The following CYLD variants were observed in gnomAD, a reference collection of about 807,000 sequenced individuals.
CYLD encodes the protein ubiquitin carboxyl-terminal hydrolase CYLD.
CYLD carries 26 observed loss-of-function variants against 104.5 expected under a neutral mutation model. The ratio of observed to expected loss-of-function variants is 0.25; its 90% CI spans 0.18 to 0.35. The LOEUF (loss-of-function observed/expected upper bound fraction) is 0.35. CYLD is among the 10% of genes least tolerant of loss of function. The pLI, the probability that CYLD is intolerant of heterozygous loss-of-function variation, is 1.00. For synonymous variants in CYLD, 385 were observed against 399.9 expected, an observed-to-expected ratio of 0.96 and a Z score of 0.45; for missense variants, 703 against 1,136.1, an observed-to-expected ratio of 0.62 and a Z score of 5.48.
intron 3 of CYLD, among the ~76,000 whole-genome samples, chr16:50,750,413 T>A (rs191791243): frequency 6.6e-6 from 1 of 152,218 alleles, no homozygotes; most frequent in East Asian, 1.9e-4. Flanking sequence ...ACTGATAATA[T>A]GTGTGAAAAT....
rs3064638 is a variant in CYLD, at chr16:50,793,115, T to TACAC, written c.2351-401_2351-398dup. Among the ~76,000 whole-genome samples the TACAC allele has an allele frequency of 5.3e-3, 762 of 145,142 alleles. 2 individuals are homozygous for TACAC. The highest frequency in any genetic ancestry group is 7.5e-3 in the Admixed American group (109 of 14,490). On this transcript the variant is annotated intron_variant, in intron 16 of 18. Coordinates refer to ENST00000427738, the MANE Select transcript of CYLD (RefSeq NM_001378743.1). ...GATATATTCTACAAAAGGAGCCATA[T>TACAC]ACACACACACACACACACACACACA...
At chr16:50,765,566 C>T (rs1236910085) in intron 5 of CYLD, among the ~76,000 whole-genome samples, 1 of 152,128 alleles carries the variant, frequency 6.6e-6, no homozygotes, top group Non-Finnish European at 1.5e-5. Flanking sequence ...CACTTTAAAT[C>T]AAAAGCTAGA....
intron 5 of CYLD, among the ~76,000 whole-genome samples, chr16:50,766,006 A>T (rs752014720): frequency 6.6e-6 from 1 of 152,246 alleles, no homozygotes; most frequent in African/African-American, 2.4e-5. Flanking sequence ...TTATCAGAAG[A>T]TCTAGCTAAG....
Position 50,771,220 on chromosome 16 carries a change from A to G in CYLD, c.914-3946A>G, listed in dbSNP as rs547602547. ...CCACTGATCTGCTTTCTATCTCTAC[A>G]GATTTGCCTATTCTGGACATTTCAC... is the stretch of plus-strand genomic sequence containing the variant. On this transcript the variant is annotated intron_variant, in intron 5 of 18. Coordinates refer to ENST00000427738, the MANE Select transcript of CYLD (RefSeq NM_001378743.1). Among the ~76,000 whole-genome samples the G allele has an allele frequency of 4.1e-5, 6 of 147,838 alleles. No individual in the cohort carries two copies. The East Asian group carries it at 9.6e-4, about 24-fold the overall frequency.
intron 5 of CYLD, among the ~76,000 whole-genome samples, chr16:50,766,710 C>T (rs772045851): frequency 6.6e-5 from 10 of 152,136 alleles, no homozygotes; most frequent in Non-Finnish European, 1.0e-4. Context: ...TTCCAACCCT[C>T]ATGGATGACT....
chr16:50,786,612 T>C (rs1294023569), intron 12 of CYLD: 3 of 405,104 alleles, frequency 7.4e-6, no homozygotes, highest in African/African-American at 6.2e-5. Flanking sequence ...ATACAAAAAT[T>C]AGCTGGATGT....
At chr16:50,791,733 G>A (rs761261577) in intron 15 of CYLD, 43 bp downstream of exon 15, 4 of 1,603,930 alleles carry the variant, frequency 2.5e-6, no homozygotes, top group Middle Eastern at 3.3e-4. Context: ...AAAGTCTGTG[G>A]GAGTCTTAAG....
rs778732746 is a variant in CYLD at position 50,798,407 on chromosome 16, A to G, written c.*1899A>G. On this transcript the variant is annotated 3_prime_UTR_variant, in exon 19 of 19. Coordinates refer to ENST00000427738, the MANE Select transcript of CYLD (RefSeq NM_001378743.1). ...ACAATACAAGAACTCTTTATGTAGC[A>G]TTTACATTTATTAGGTATTATAAGT... The G allele has an allele frequency of 4.3e-6, 1 of 232,008 alleles. No individual in the cohort carries two copies. 14.4% of individuals were successfully genotyped at this position (232,008 alleles called of 1,614,324 possible). A position where few individuals can be genotyped will look rare whatever the true frequency, so the allele number is the denominator to read the frequency against.
chr16:50,763,794 G>A (rs1478817560), intron 5 of CYLD, among the ~76,000 whole-genome samples: 2 of 152,064 alleles, frequency 1.3e-5, no homozygotes, highest in African/African-American at 2.4e-5. Flanking sequence ...AGTAGTGATG[G>A]AAGGCATCTT....
chr16:50,794,269 G>C lies in CYLD; in HGVS notation c.2527G>C (p.Asp843His). Reference protein sequence around the residue: ...HKYNPVSLPKDLPDWDWRHGC... With the variant: ...HKYNPVSLPKHLPDWDWRHGC... ...ATATAACCCAGTGTCACTTCCCAAA[G>C]ACTTACCCGACTGGGACTGGAGACA... is the stretch of plus-strand genomic sequence containing the variant. The change falls in exon 18 of 19, where the codon GAC becomes CAC. Residue 843 changes from aspartate to histidine, a missense_variant. Physicochemically the swap from Asp to His is moderately conservative, Grantham distance 81. This residue lies in a region of CYLD where 130 missense variants were observed against 220.2 expected (regional missense o/e 0.59). Coordinates refer to ENST00000427738, the MANE Select transcript of CYLD (RefSeq NM_001378743.1). The surrounding 1 kb of genome is among the most constrained non-coding windows in gnomAD (Gnocchi z 4.1). 6.2e-7 allele frequency: 1 copy of C among 1,614,158 alleles called. No homozygotes were observed. Among genetic ancestry groups the C allele is most frequent in the Non-Finnish European group, 8.5e-7 (1 of 1,180,022 alleles).
intron 4 of CYLD, among the ~76,000 whole-genome samples, chr16:50,752,213 G>C (rs1966689782): frequency 6.6e-6 from 1 of 151,532 alleles, no homozygotes; most frequent in South Asian, 2.1e-4. Context: ...GAATAAACTA[G>C]AATAATGTTC....
At chr16:50,783,665 A>G (rs944755576) in intron 11 of CYLD, among the ~76,000 whole-genome samples, 12 of 151,926 alleles carry the variant, frequency 7.9e-5, no homozygotes, top group African/African-American at 2.9e-4. Flanking sequence ...CAGCCTCCCA[A>G]GTAGCTGGGA....
Position 50,794,629 on chromosome 16 carries a change from T to TC in CYLD, c.2686+201_2686+202insC. 1.6e-6 allele frequency: 1 copy of TC among 619,086 alleles called. No homozygotes were observed. Among genetic ancestry groups the TC allele is most frequent in the South Asian group, 1.9e-5 (1 of 53,516 alleles). 38.3% of individuals were successfully genotyped at this position (619,086 alleles called of 1,614,324 possible). ...GGAATAATATGCTGTGTTTTTTTTT[T>TC]TCCTTTTTTGAGATGGAGTCTCACT... On this transcript the variant is annotated intron_variant, in intron 18 of 18. Transcript: ENST00000427738. This position sits in a 1 kb window ranked among gnomAD's most constrained non-coding sequence, Gnocchi z 4.1.
chr16:50,744,430 G>A (rs1438033480), intron 2 of CYLD, among the ~76,000 whole-genome samples: 1 of 152,200 alleles, frequency 6.6e-6, no homozygotes. Context: ...AGGCCCACAT[G>A]TCTTCTTTCT....
intron 2 of CYLD, among the ~76,000 whole-genome samples, chr16:50,747,765 T>G (rs1328466571): frequency 6.6e-6 from 1 of 152,124 alleles, no homozygotes; most frequent in East Asian, 1.9e-4. Context: ...TGCCCTCAAG[T>G]GGAATTAAAA....
chr16:50,757,439 T>C (rs1471164802), intron 5 of CYLD, among the ~76,000 whole-genome samples: 1 of 152,232 alleles, frequency 6.6e-6, no homozygotes, highest in East Asian at 1.9e-4. Flanking sequence ...AATTCCTAGC[T>C]ATTTTTTATT....
In CYLD at chr16:50,786,995, A is replaced by T. The variant is rs762274333; in HGVS notation, c.2041+49A>T. 4 of 1,427,494 alleles carry T rather than the reference A, an allele frequency of 2.8e-6. No individual in the cohort carries two copies. In the Admixed American group the frequency reaches 6.7e-5, roughly 24 times the overall value. 88.4% of individuals were successfully genotyped at this position (1,427,494 alleles called of 1,614,324 possible). A position where few individuals can be genotyped will look rare whatever the true frequency, so the allele number is the denominator to read the frequency against. On this transcript the variant is annotated intron_variant, in intron 13 of 18. Transcript: ENST00000427738. Reference sequence around the variant, plus strand: ...TTAAAAATAACTGAAGAGCATATTCACATGTCAAAGTATTAGCTGAAATGT... The same window carrying T: ...TTAAAAATAACTGAAGAGCATATTCTCATGTCAAAGTATTAGCTGAAATGT...
At chr16:50,781,561 T>C in intron 10 of CYLD, 150 bp downstream of exon 10, 2 of 1,026,016 alleles carry the variant, frequency 1.9e-6, no homozygotes, top group South Asian at 3.0e-5. Flanking sequence ...TTGCATGGTG[T>C]ATAAGAAAGT....
intron 8 of CYLD, among the ~76,000 whole-genome samples, chr16:50,778,780 T>A (rs1024006727): frequency 6.6e-6 from 1 of 152,206 alleles, no homozygotes; most frequent in African/African-American, 2.4e-5. Flanking sequence ...GAGTTTTGCC[T>A]GCCACATTTG....
Sources: allele counts gnomAD v4.1 joint callset (sites outside exome capture counted in the v4.1 genomes callset), GRCh38; gene constraint gnomAD v4.1.1; regional missense constraint gnomAD v4.1.1; non-coding constraint Gnocchi (gnomAD v3.1); transcripts MANE v1.5; gene names NCBI Gene and HGNC (gene_info 2026-07-23, HGNC 2026-07-21).